Variants in TRPM3 observed in about 807,000 individuals in gnomAD.
TRPM3 encodes long transient receptor potential channel 3.
A neutral mutation model predicts 181.2 loss-of-function variants in TRPM3; 77 were observed. The observed-to-expected ratio is 0.42, with a 90% CI of 0.35 to 0.51. The LOEUF is 0.51. Among genes scored for constraint, TRPM3 ranks in the 20% least tolerant of loss-of-function variants. TRPM3 has a pLI of 0.01. For missense variants in TRPM3, 1,759 were observed against 2,196.7 expected, an observed-to-expected ratio of 0.80 and a Z score of 3.98; for synonymous variants, 745 against 796.4, an observed-to-expected ratio of 0.94 and a Z score of 1.09.
At chr9:71,312,881 C>T (rs564614075) in intron 1 of TRPM3, among the ~76,000 whole-genome samples, 3 of 152,008 alleles carry the variant, frequency 2.0e-5, no homozygotes, top group African/African-American at 7.2e-5. Flanking sequence ...CAGTGGTGGT[C>T]AGGGATTAGA....
chr9:70,893,188 A>T (rs2096237393), intron 1 of TRPM3, among the ~76,000 whole-genome samples: 1 of 152,130 alleles, frequency 6.6e-6, no homozygotes, highest in Non-Finnish European at 1.5e-5. Flanking sequence ...ACTATTCCCC[A>T]CAGGTCCTCC....
At chr9:70,827,784 TAA>T in intron 6 of TRPM3, 61 bp downstream of exon 6, 1 of 1,561,588 alleles carries the variant, frequency 6.4e-7, no homozygotes, top group Non-Finnish European at 8.7e-7. Context: ...ATGGTGTACT[TAA>T]AGTTATTCAC....
intron 1 of TRPM3, among the ~76,000 whole-genome samples, chr9:71,284,805 T>G (rs185601071): frequency 6.6e-6 from 1 of 152,202 alleles, no homozygotes; most frequent in Admixed American, 6.5e-5. Flanking sequence ...AGTTCAAAAC[T>G]CAGCTAGGAA....
At chr9:71,380,569 T>C (rs1460244840) in intron 1 of TRPM3, among the ~76,000 whole-genome samples, 1 of 152,092 alleles carries the variant, frequency 6.6e-6, no homozygotes, top group East Asian at 1.9e-4. Context: ...CCTACTTCTT[T>C]TTAGGGAGAC....
chr9:70,559,304 A>G (rs552674248), intron 22 of TRPM3, among the ~76,000 whole-genome samples: 1 of 152,278 alleles, frequency 6.6e-6, no homozygotes, highest in African/African-American at 2.4e-5. Context: ...CAGCTCCTCT[A>G]TTTCACTGGG....
intron 1 of TRPM3, among the ~76,000 whole-genome samples, chr9:70,960,117 C>G (rs928594623): frequency 1.3e-5 from 2 of 151,120 alleles, no homozygotes; most frequent in African/African-American, 4.9e-5. Flanking sequence ...TCATTCAACT[C>G]TCGTTCTTTT....
At chr9:71,133,975 G>T (rs1361327929) in intron 1 of TRPM3, among the ~76,000 whole-genome samples, 1 of 2,018 alleles carries the variant, frequency 5.0e-4, no homozygotes, top group East Asian at 7.0e-3. Context: ...GTGTGTGTTT[G>T]TGTGTGTGTG....
At chr9:70,843,798 C>A (rs954743624) in intron 4 of TRPM3, among the ~76,000 whole-genome samples, 1 of 152,052 alleles carries the variant, frequency 6.6e-6, no homozygotes, top group Non-Finnish European at 1.5e-5. Flanking sequence ...TTTTTAAAAA[C>A]CATTTAAAGA....
In TRPM3 at chr9:71,136,137, C is replaced by A. The variant is rs1160647859; in HGVS notation, c.184-271626G>T. Among the ~76,000 whole-genome samples, 3 of 152,322 alleles carry A rather than the reference C, an allele frequency of 2.0e-5. No individual in the cohort carries two copies. In the East Asian group the frequency reaches 5.8e-4, roughly 29 times the overall value. On this transcript the variant is annotated intron_variant, in intron 1 of 24. Coordinates refer to the TRPM3 transcript ENST00000357533. Reference sequence around the variant, plus strand: ...TCCACGTAAGGATTTAACACACAGACAAACTACTATAGAAGACAGGAAGTT... The same window carrying A: ...TCCACGTAAGGATTTAACACACAGAAAAACTACTATAGAAGACAGGAAGTT...
intron 1 of TRPM3, among the ~76,000 whole-genome samples, chr9:71,134,959 T>G (rs555674336): frequency 6.6e-6 from 1 of 152,244 alleles, no homozygotes; most frequent in South Asian, 2.1e-4. Flanking sequence ...TAGAAAAGAC[T>G]GGGCAAGAGG....
intron 1 of TRPM3, among the ~76,000 whole-genome samples, chr9:71,271,264 A>G (rs2083768729): frequency 6.6e-6 from 1 of 152,042 alleles, no homozygotes; most frequent in Non-Finnish European, 1.5e-5. Flanking sequence ...ATAGCTTGTT[A>G]TCTTGTTAAT....
At chr9:70,540,191 T>G (rs868805674) in intron 25 of TRPM3, among the ~76,000 whole-genome samples, 1 of 152,222 alleles carries the variant, frequency 6.6e-6, no homozygotes, top group South Asian at 2.1e-4. Flanking sequence ...CAGAGGAGGA[T>G]AGATCATGCA....
At chr9:70,656,067 C>T (rs926925122) in intron 9 of TRPM3, among the ~76,000 whole-genome samples, 6 of 152,090 alleles carry the variant, frequency 3.9e-5, no homozygotes, top group African/African-American at 9.7e-5. Flanking sequence ...GTCAAGTTTA[C>T]GTAACTTAAG....
At chr9:70,815,726 T>C (rs1216780147) in intron 6 of TRPM3, among the ~76,000 whole-genome samples, 2 of 152,220 alleles carry the variant, frequency 1.3e-5, no homozygotes, top group Non-Finnish European at 2.9e-5. Flanking sequence ...CTCTTTGTCA[T>C]TGTTGTGAAT....
At chr9:70,643,922 T>C (rs535286261) in intron 9 of TRPM3, among the ~76,000 whole-genome samples, 3 of 152,322 alleles carry the variant, frequency 2.0e-5, no homozygotes, top group South Asian at 4.1e-4. Context: ...AAGATACTGA[T>C]TTCATGCCTC....
chr9:70,967,562 C>A (rs1363206597), intron 1 of TRPM3, among the ~76,000 whole-genome samples: 2 of 152,022 alleles, frequency 1.3e-5, no homozygotes, highest in Non-Finnish European at 2.9e-5. Flanking sequence ...TATGCAAGTA[C>A]ACAAAGAACT....
In TRPM3 at chr9:71,059,107, C is replaced by T. The variant is rs147221135; in HGVS notation, c.177+62071G>A. ...TGGCAGGGACCATTGAAGAGAAGGG[C>T]TGGAGGAGAAAGACTTGTTAAAGGT... On this transcript the variant is annotated intron_variant, in intron 1 of 25. Coordinates refer to ENST00000677713, the MANE Select transcript of TRPM3 (RefSeq NM_001366145.2). Among the ~76,000 whole-genome samples, 10 of 123,268 alleles carry T rather than the reference C, an allele frequency of 8.1e-5. No individual in the cohort carries two copies. The East Asian group carries it at 2.8e-3, about 35-fold the overall frequency. 80.9% of individuals were successfully genotyped at this position (123,268 alleles called of 152,430 possible).
chr9:71,233,342 G>A (rs780300895), intron 1 of TRPM3, among the ~76,000 whole-genome samples: 56 of 152,076 alleles, frequency 3.7e-4, no homozygotes, highest in South Asian at 4.1e-4. Flanking sequence ...TCCAAATTAC[G>A]ATTCAAAAAT....
intron 8 of TRPM3, among the ~76,000 whole-genome samples, chr9:70,760,103 G>A (rs1405327461): frequency 6.6e-6 from 1 of 151,970 alleles, no homozygotes. Context: ...TAAACAACAT[G>A]AAATTTAGGC....
Sources: gnomAD v4.1 joint callset for allele counts (sites outside exome capture counted in the v4.1 genomes callset) on GRCh38, gnomAD v4.1.1 for gene constraint, MANE v1.5 for transcripts, NCBI Gene and HGNC (gene_info 2026-07-23, HGNC 2026-07-21) for gene names.